The following LRRC8B variants were observed in gnomAD, a reference collection of about 807,000 sequenced individuals.
LRRC8B encodes the protein volume-regulated anion channel subunit LRRC8B.
A neutral mutation model predicts 58.8 loss-of-function variants in LRRC8B; 23 were observed. The ratio of observed to expected loss-of-function variants is 0.39; its 90% CI spans 0.28 to 0.55. LRRC8B has a LOEUF of 0.55. Ranked by LOEUF, LRRC8B falls within the 20% of genes least tolerant of loss-of-function variation. The pLI is 0.62. For missense variants in LRRC8B, 694 were observed against 936.0 expected (o/e 0.74, Z 3.37); for synonymous variants, 359 against 374.1 (o/e 0.96, Z 0.47).
At chr1:89,591,356 G>A (rs78423469) in intron 5 of LRRC8B, among the ~76,000 whole-genome samples, 1,564 of 152,290 alleles carry the variant, frequency 0.01, 16 homozygotes, top group Middle Eastern at 0.017. Context: ...GGTTGCCTTA[G>A]AAAGAGGTTG....
At chr1:89,558,601 G>A (rs971237559) in intron 1 of LRRC8B, 3 of 152,256 alleles carry the variant, frequency 2.0e-5, no homozygotes, top group Non-Finnish European at 4.4e-5. Flanking sequence ...TGAGGGAATA[G>A]AGGAAGAGAA....
intron 1 of LRRC8B, among the ~76,000 whole-genome samples, chr1:89,552,765 G>A (rs1651918799): frequency 6.6e-6 from 1 of 152,184 alleles, no homozygotes; most frequent in African/African-American, 2.4e-5. Context: ...GTGAAAGCTT[G>A]TGTTTCAGAT....
intron 4 of LRRC8B, 85 bp from the exon 5 acceptor site, chr1:89,582,539 AG>A: frequency 1.3e-6 from 1 of 755,662 alleles, no homozygotes; most frequent in Non-Finnish European, 2.2e-6. Context: ...CTACTTGGGA[AG>A]GAGGGCATGT....
intron 1 of LRRC8B, among the ~76,000 whole-genome samples, chr1:89,534,019 A>G (rs1278047210): frequency 6.6e-6 from 1 of 152,166 alleles, no homozygotes; most frequent in Non-Finnish European, 1.5e-5. Flanking sequence ...CTTGTAGGGG[A>G]TGCTTGAAAT....
In LRRC8B at chr1:89,596,811, AT is replaced by A. The variant is rs1655328887; in HGVS notation, c.*3769del. On this transcript the variant is annotated 3_prime_UTR_variant, in exon 6 of 6. Coordinates refer to ENST00000330947, the MANE Select transcript of LRRC8B (RefSeq NM_001369817.2). ...TAGGAGGAAGCCAGTGCCTGTAATT[AT>A]GTCTCATTGAGTAGTTTTACTTTGC... 1 of 152,158 alleles carries A rather than the reference AT, an allele frequency of 6.6e-6. No individual in the cohort carries two copies. The highest frequency in any genetic ancestry group is 1.5e-5 in the Non-Finnish European group (1 of 68,012). 9.4% of individuals were successfully genotyped at this position (152,158 alleles called of 1,614,324 possible).
At chr1:89,526,680 C>T (rs915810248) in intron 1 of LRRC8B, among the ~76,000 whole-genome samples, 5 of 152,278 alleles carry the variant, frequency 3.3e-5, no homozygotes, top group Admixed American at 3.3e-4. Flanking sequence ...AAAGAGGTCT[C>T]TTGAATGGGG....
At chr1:89,545,816 G>A (rs893639052) in intron 1 of LRRC8B, among the ~76,000 whole-genome samples, 2 of 152,180 alleles carry the variant, frequency 1.3e-5, no homozygotes, top group African/African-American at 4.8e-5. Context: ...GGTGAGGCTT[G>A]CAGGATGTGA....
At chr1:89,585,718 A>T (rs1036313401) in intron 5 of LRRC8B, among the ~76,000 whole-genome samples, 2 of 152,108 alleles carry the variant, frequency 1.3e-5, no homozygotes, top group Non-Finnish European at 2.9e-5. Flanking sequence ...CTGAGGCAGG[A>T]GAATCGCTTG....
At chr1:89,566,466 G>T (rs1016417840) in intron 1 of LRRC8B, among the ~76,000 whole-genome samples, 5 of 152,150 alleles carry the variant, frequency 3.3e-5, no homozygotes, top group East Asian at 3.8e-4. Context: ...CCCGAGGCAG[G>T]GTGAATGAGT....
At chr1:89,592,687 T>TG (rs939753729) in intron 5 of LRRC8B, 84 bp from the exon 6 acceptor site, 76 of 1,229,078 alleles carry the variant, frequency 6.2e-5, no homozygotes, top group East Asian at 3.7e-4. Context: ...TGTTTTGTTT[T>TG]TTTTTTTTTG....
At chr1:89,551,288 G>A (rs1651789261) in intron 1 of LRRC8B, among the ~76,000 whole-genome samples, 1 of 152,130 alleles carries the variant, frequency 6.6e-6, no homozygotes, top group Non-Finnish European at 1.5e-5. Flanking sequence ...CATGTTTGGT[G>A]TCAGTTATAG....
chr1:89,539,802 A>AT (rs1036900642), intron 1 of LRRC8B, among the ~76,000 whole-genome samples: 6 of 152,256 alleles, frequency 3.9e-5, no homozygotes, highest in African/African-American at 1.2e-4. Flanking sequence ...CCTATGTTAG[A>AT]TTTTTTTTAA....
intron 1 of LRRC8B, among the ~76,000 whole-genome samples, chr1:89,566,695 G>A (rs1653066713): frequency 6.6e-6 from 1 of 152,234 alleles, no homozygotes; most frequent in South Asian, 2.1e-4. Context: ...AAAAAAGTTT[G>A]TTTTGTCAAA....
intron 1 of LRRC8B, among the ~76,000 whole-genome samples, chr1:89,558,155 G>A (rs1016225315): frequency 6.6e-6 from 1 of 152,124 alleles, no homozygotes; most frequent in Admixed American, 6.5e-5. Context: ...TGCCCACAGC[G>A]AGTCACAGGG....
At chr1:89,536,723 A>C (rs547539961) in intron 1 of LRRC8B, among the ~76,000 whole-genome samples, 1 of 152,330 alleles carries the variant, frequency 6.6e-6, no homozygotes, top group Non-Finnish European at 1.5e-5. Context: ...GTAGTATACA[A>C]TCAGGGACAG....
intron 1 of LRRC8B, among the ~76,000 whole-genome samples, chr1:89,535,315 C>T (rs1171658768): frequency 6.6e-6 from 1 of 152,044 alleles, no homozygotes; most frequent in Non-Finnish European, 1.5e-5. Flanking sequence ...CCTAATAGGC[C>T]CATTTAAAGA....
intron 3 of LRRC8B, among the ~76,000 whole-genome samples, chr1:89,578,497 A>G (rs182120604): frequency 6.6e-6 from 1 of 152,328 alleles, no homozygotes; most frequent in East Asian, 1.9e-4. Flanking sequence ...TATACATACT[A>G]ACTGTGCTTT....
intron 1 of LRRC8B, among the ~76,000 whole-genome samples, chr1:89,528,009 T>C (rs1361993372): frequency 1.3e-5 from 2 of 152,236 alleles, no homozygotes; most frequent in Non-Finnish European, 2.9e-5. Context: ...ACCTTTCCTT[T>C]TTGCCTTTCT....
intron 1 of LRRC8B, among the ~76,000 whole-genome samples, chr1:89,561,962 G>A (rs185182259): frequency 6.2e-4 from 94 of 152,074 alleles, no homozygotes; most frequent in African/African-American, 2.0e-3. Flanking sequence ...TGAGCAGTTC[G>A]ACCCCACATA....
Sources: allele counts gnomAD v4.1 joint callset (sites outside exome capture counted in the v4.1 genomes callset), GRCh38; gene constraint gnomAD v4.1.1; transcripts MANE v1.5; gene names NCBI Gene and HGNC (gene_info 2026-07-23, HGNC 2026-07-21).